The following IQCM variants were observed in gnomAD, a reference collection of about 807,000 sequenced individuals.
IQCM encodes the protein IQ domain-containing protein M.
IQCM carries 45 observed loss-of-function variants against 57.6 expected under a neutral mutation model. The ratio of observed to expected loss-of-function variants is 0.78; its 90% CI spans 0.62 to 1.00. The LOEUF (loss-of-function observed/expected upper bound fraction) is 1.00, where lower values mean the gene tolerates loss of function less well. Ranked by LOEUF, IQCM falls within the 50% of genes least tolerant of loss-of-function variation. The probability of loss-of-function intolerance (pLI) is 0.00; values close to 1 mark genes in which losing one functional copy is unlikely to be tolerated. For missense variants in IQCM, 468 were observed against 511.6 expected (o/e 0.91, Z 0.82); for synonymous variants, 148 against 158.9 (o/e 0.93, Z 0.51).
At chr4:149,606,534 G>A (rs973964815) in intron 8 of IQCM, among the ~76,000 whole-genome samples, 37 of 152,054 alleles carry the variant, frequency 2.4e-4, no homozygotes, top group Non-Finnish European at 4.3e-4. Flanking sequence ...AGAACATCCA[G>A]GAAAACATGA....
chr4:149,505,777 C>A (rs1743747606), intron 12 of IQCM, among the ~76,000 whole-genome samples: 1 of 152,106 alleles, frequency 6.6e-6, no homozygotes, highest in South Asian at 2.1e-4. Flanking sequence ...CATTCTCTAT[C>A]TAGAAAATCA....
intron 8 of IQCM, among the ~76,000 whole-genome samples, chr4:149,599,116 A>G (rs1296290687): frequency 6.6e-6 from 1 of 152,168 alleles, no homozygotes; most frequent in East Asian, 1.9e-4. Flanking sequence ...CATATAAAAG[A>G]ATGCTTGTAG....
chr4:149,771,799 T>C (rs559465582), intron 2 of IQCM, among the ~76,000 whole-genome samples: 29 of 152,276 alleles, frequency 1.9e-4, no homozygotes, highest in African/African-American at 6.7e-4. Flanking sequence ...TGAATTATCA[T>C]GACAATATGC....
chr4:149,569,679 A>G (rs1750973887), intron 9 of IQCM, among the ~76,000 whole-genome samples: 1 of 152,152 alleles, frequency 6.6e-6, no homozygotes, highest in Admixed American at 6.6e-5. Context: ...ATAGTAGCAG[A>G]AAAAGACCTA....
At chr4:149,773,351 CAAAA>C (rs201942246) in intron 2 of IQCM, among the ~76,000 whole-genome samples, 1 of 119,588 alleles carries the variant, frequency 8.4e-6, no homozygotes. Context: ...AACTCCGTCT[CAAAA>C]AAAAAAAAAG....
chr4:149,616,288 G>C (rs956760643), intron 8 of IQCM, among the ~76,000 whole-genome samples: 1 of 152,168 alleles, frequency 6.6e-6, no homozygotes, highest in African/African-American at 2.4e-5. Context: ...TCTGACACAT[G>C]ATGCAATGTG....
chr4:149,492,010 T>C (rs2149776797), intron 12 of IQCM, among the ~76,000 whole-genome samples: 1 of 152,236 alleles, frequency 6.6e-6, no homozygotes, highest in South Asian at 2.1e-4. Flanking sequence ...GATTGGTGAT[T>C]TTGAGCATGT....
chr4:149,586,048 A>C (rs1215754153), intron 9 of IQCM, among the ~76,000 whole-genome samples: 11 of 151,672 alleles, frequency 7.3e-5, no homozygotes, highest in Non-Finnish European at 1.6e-4. Context: ...GAGGCTGTCC[A>C]ATTTTTTATC....
intron 9 of IQCM, among the ~76,000 whole-genome samples, chr4:149,578,847 T>A (rs894927411): frequency 9.2e-5 from 14 of 151,862 alleles, no homozygotes; most frequent in African/African-American, 3.4e-4. Context: ...GGTCAGGCAA[T>A]CATAGGCAAA....
chr4:149,540,741 A>G (rs904403522), intron 12 of IQCM, among the ~76,000 whole-genome samples: 2 of 152,138 alleles, frequency 1.3e-5, no homozygotes, highest in African/African-American at 4.8e-5. Flanking sequence ...ATGTTAATGG[A>G]GGAACTTATA....
At chr4:149,375,708 A>G (rs938729221) in intron 13 of IQCM, among the ~76,000 whole-genome samples, 1 of 152,128 alleles carries the variant, frequency 6.6e-6, no homozygotes, top group African/African-American at 2.4e-5. Context: ...AAATATTTCC[A>G]TTTAATTCAT....
At chr4:149,709,755 C>A (rs926817744) in intron 5 of IQCM, among the ~76,000 whole-genome samples, 6 of 152,072 alleles carry the variant, frequency 3.9e-5, no homozygotes, top group African/African-American at 9.7e-5. Context: ...AACAAACCAT[C>A]ATTCTGGACT....
chr4:149,608,647 A>G (rs1230313849), intron 8 of IQCM, among the ~76,000 whole-genome samples: 1 of 151,818 alleles, frequency 6.6e-6, no homozygotes, highest in East Asian at 1.9e-4. Flanking sequence ...AACTTAATAT[A>G]TTCCCAAATG....
intron 12 of IQCM, among the ~76,000 whole-genome samples, chr4:149,500,771 C>A (rs1363478748): frequency 6.6e-6 from 1 of 152,108 alleles, no homozygotes; most frequent in Non-Finnish European, 1.5e-5. Context: ...CAAATCAATA[C>A]TAGTTCCTTT....
intron 12 of IQCM, among the ~76,000 whole-genome samples, chr4:149,448,597 A>T (rs1736757988): frequency 6.6e-6 from 1 of 151,780 alleles, no homozygotes; most frequent in Non-Finnish European, 1.5e-5. Context: ...ATTAAATTTT[A>T]GCCAAAAAAA....
At chr4:149,529,353 C>A (rs1746503068) in intron 12 of IQCM, among the ~76,000 whole-genome samples, 2 of 152,176 alleles carry the variant, frequency 1.3e-5, no homozygotes. Flanking sequence ...GCGTGAGCCA[C>A]CACACCCAAC....
At chr4:149,539,810 A>G (rs1747672794) in intron 12 of IQCM, among the ~76,000 whole-genome samples, 1 of 152,170 alleles carries the variant, frequency 6.6e-6, no homozygotes, top group African/African-American at 2.4e-5. Flanking sequence ...GGTTGCAGTG[A>G]GCCAAGATGG....
chr4:149,714,724 G>A (rs181389702), intron 5 of IQCM, among the ~76,000 whole-genome samples: 58 of 152,194 alleles, frequency 3.8e-4, no homozygotes, highest in Non-Finnish European at 3.4e-4. Context: ...TGCCAGCATC[G>A]CTACTCTTGC....
intron 12 of IQCM, among the ~76,000 whole-genome samples, chr4:149,541,423 T>C (rs551459194): frequency 1.3e-5 from 2 of 152,238 alleles, no homozygotes; most frequent in African/African-American, 4.8e-5. Context: ...TTATCTTAAT[T>C]GCAGAAAATG....
Sources: gnomAD v4.1 joint callset for allele counts (sites outside exome capture counted in the v4.1 genomes callset) on GRCh38, gnomAD v4.1.1 for gene constraint, MANE v1.5 for transcripts, NCBI Gene and HGNC (gene_info 2026-07-23, HGNC 2026-07-21) for gene names.